The following DGAT2L6 variants were observed in gnomAD, a reference collection of about 807,000 sequenced individuals.
DGAT2L6 encodes the protein diacylglycerol O-acyltransferase 2-like protein 6.
Under a neutral mutation model 25.5 loss-of-function variants are expected in DGAT2L6, and 22 were observed. The observed-to-expected ratio is 0.86, with a 90% CI of 0.62 to 1.23. The LOEUF (loss-of-function observed/expected upper bound fraction) is 1.23. DGAT2L6 is among the 50% of genes most tolerant of loss of function. DGAT2L6 has a pLI of 0.00. For synonymous variants in DGAT2L6, 100 were observed against 94.7 expected (o/e 1.06, Z -0.32); for missense variants, 287 against 253.2 (o/e 1.13, Z -0.91).
intron 2 of DGAT2L6, among the ~76,000 whole-genome samples, 178 bp from the exon 3 acceptor site, chrX:70,199,634 G>A (rs2085402984): frequency 9.0e-6 from 1 of 111,592 alleles, no homozygotes; most frequent in African/African-American, 3.3e-5. Flanking sequence ...CGGCTCTAGA[G>A]GAGCAGGGGC....
intron 5 of DGAT2L6, 67 bp downstream of exon 5, chrX:70,202,131 T>G: frequency 1.0e-6 from 1 of 991,005 alleles, no homozygotes; most frequent in Non-Finnish European, 1.3e-6. Flanking sequence ...CTCTCCAGAA[T>G]GGTGCCCTCC....
At position 70,204,311 on chromosome X, in the gene DGAT2L6, C is replaced by T. The variant is rs372003647; in HGVS notation, c.654C>T (p.Tyr218=). 4 of 1,204,139 alleles carry T rather than the reference C, an allele frequency of 3.3e-6. No individual in the cohort carries two copies. Among genetic ancestry groups the T allele is most frequent in the Non-Finnish European group, 4.5e-6 (4 of 891,067 alleles). Residue 218 remains tyrosine, a synonymous_variant, in exon 6 of 7, where the codon TAC becomes TAT. Coordinates refer to ENST00000333026, the MANE Select transcript of DGAT2L6 (RefSeq NM_198512.3). ...CCTGCCCCTCTCTTTGCAGGGCATA[C>T]CTTGTCCCTTCATATTCCTTTGGTG... The part of the protein sequence containing the change: ...FVKMALQTGA[Y]LVPSYSFGEN...
At chrX:70,202,435 T>C (rs145736429) in intron 5 of DGAT2L6, among the ~76,000 whole-genome samples, 37 of 111,989 alleles carry the variant, frequency 3.3e-4, no homozygotes, top group African/African-American at 1.2e-3. Flanking sequence ...ATCAAAAAGA[T>C]AAGACATGAC....
Position 70,200,235 on chromosome X carries a change from A to G in DGAT2L6, c.268-20A>G. 1 of 1,175,821 alleles carries G rather than the reference A, an allele frequency of 8.5e-7. No individual in the cohort carries two copies. Among genetic ancestry groups the G allele is most frequent in the Non-Finnish European group, 1.2e-6 (1 of 863,554 alleles). The stretch of plus-strand genomic sequence containing the variant: ...TTCCTTCTTTGTAGCCAATGCTCTG[A>G]CTCAATTTCCCTCTAACAGCTGGTG... On this transcript the variant is annotated intron_variant, in intron 3 of 6. Transcript: ENST00000333026.
At chrX:70,200,933 C>A (rs1262360507) in intron 4 of DGAT2L6, among the ~76,000 whole-genome samples, 1 of 111,665 alleles carries the variant, frequency 9.0e-6, no homozygotes, top group Non-Finnish European at 1.9e-5. Context: ...CCCTCCTGGT[C>A]CATGACTTTT....
chrX:70,202,995 G>C (rs191134257), intron 5 of DGAT2L6, among the ~76,000 whole-genome samples: 4 of 111,899 alleles, frequency 3.6e-5, no homozygotes, highest in Non-Finnish European at 7.5e-5. Flanking sequence ...CCCTCAAGCA[G>C]GCCACCCGCT....
In DGAT2L6 at chrX:70,186,176, A is replaced by G. The variant is rs200251780; in HGVS notation, c.85+8509A>G. Reference sequence around the variant, plus strand: ...GAACTTCTTCCTTTACTATAATTCAATGTAATGAACATTTATCATAAGCTA... The same window carrying G: ...GAACTTCTTCCTTTACTATAATTCAGTGTAATGAACATTTATCATAAGCTA... On this transcript the variant is annotated intron_variant, in intron 1 of 6. Coordinates refer to ENST00000333026, the MANE Select transcript of DGAT2L6 (RefSeq NM_198512.3). Among the ~76,000 whole-genome samples, 91 of 112,363 alleles carry G rather than the reference A, an allele frequency of 8.1e-4. No individual in the cohort carries two copies. The East Asian group carries it at 0.022, about 27-fold the overall frequency.
Position 70,204,485 on chromosome X carries a change from C to T in DGAT2L6, c.828C>T (p.Phe276=). The stretch of plus-strand genomic sequence containing the variant: ...GCTTCACTCGCGGATCCTGGGGCTT[C>T]CTGCCTTTCAATCGGCCCATTACCA... ...GRGFTRGSWG[F]LPFNRPITTV... Residue 276 remains phenylalanine (F), a synonymous_variant, in exon 6 of 7, where the codon TTC becomes TTT. Coordinates refer to ENST00000333026, the MANE Select transcript of DGAT2L6 (RefSeq NM_198512.3). The T allele has an allele frequency of 8.3e-7, 1 of 1,211,178 alleles. No homozygotes were observed. The highest frequency in any genetic ancestry group is 2.6e-4 in the Middle Eastern group (1 of 3,905).
At chrX:70,188,707 T>C (rs1206567339) in intron 1 of DGAT2L6, among the ~76,000 whole-genome samples, 1 of 110,806 alleles carries the variant, frequency 9.0e-6, no homozygotes, top group Non-Finnish European at 1.9e-5. Flanking sequence ...CCCTCATATA[T>C]ATAAATGAAA....
rs751721525 is a variant in DGAT2L6 at position 70,199,264 on chromosome X, T to C, written c.86-7T>C. Reference sequence around the variant, plus strand: ...CTGAAAGGCTTGAACCCTTTGTGTCTCCCCAGGAGCTATTCCCATTCTCCT... The same window carrying C: ...CTGAAAGGCTTGAACCCTTTGTGTCCCCCCAGGAGCTATTCCCATTCTCCT... On this transcript the variant is annotated splice_region_variant and splice_polypyrimidine_tract_variant and intron_variant, in intron 1 of 6. Coordinates refer to ENST00000333026, the MANE Select transcript of DGAT2L6 (RefSeq NM_198512.3). 44 of 1,145,972 alleles carry C rather than the reference T, an allele frequency of 3.8e-5. No individual in the cohort carries two copies. In the Admixed American group the frequency reaches 8.7e-4, roughly 23 times the overall value. 94.4% of individuals were successfully genotyped at this position (1,145,972 alleles called of 1,213,427 possible). A position where few individuals can be genotyped will look rare whatever the true frequency, so the allele number is the denominator to read the frequency against.
chrX:70,182,087 A>G (rs2085344964), intron 1 of DGAT2L6, among the ~76,000 whole-genome samples: 1 of 110,665 alleles, frequency 9.0e-6, no homozygotes, highest in Non-Finnish European at 1.9e-5. Flanking sequence ...AGCCTCCCTC[A>G]GTGCTTCCCC....
At chrX:70,199,969 G>C in intron 3 of DGAT2L6, 87 bp downstream of exon 3, 2 of 963,762 alleles carry the variant, frequency 2.1e-6, no homozygotes, top group Non-Finnish European at 1.4e-6. Flanking sequence ...AGGCTTTGGT[G>C]GTCAGCAGCG....
At position 70,177,538 on chromosome X, in the gene DGAT2L6, A is replaced by G. The variant is rs1199509; in HGVS notation, c.-45A>G. The G allele has an allele frequency of 0.052, 58,954 of 1,134,856 alleles. 2,867 individuals are homozygous for G. Among genetic ancestry groups the G allele is most frequent in the African/African-American group, 0.31 (17,053 of 55,318 alleles). 93.5% of individuals were successfully genotyped at this position (1,134,856 alleles called of 1,213,427 possible). ...AATCAACTCAGCTTAAGAAGTTTTG[A>G]CCTTCTGGTTAGGCTTCTTGCCACA... On this transcript the variant is annotated 5_prime_UTR_variant, in exon 1 of 7. Transcript: ENST00000333026.
chrX:70,202,659 C>G (rs754214294), intron 5 of DGAT2L6, among the ~76,000 whole-genome samples: 1 of 111,607 alleles, frequency 9.0e-6, no homozygotes, highest in Non-Finnish European at 1.9e-5. Context: ...ACTACCTAGG[C>G]TACCACCCCT....
chrX:70,205,137 C>A lies in DGAT2L6; in HGVS notation c.*31C>A. 1 of 1,158,224 alleles carries A rather than the reference C, an allele frequency of 8.6e-7. No individual in the cohort carries two copies. Among genetic ancestry groups the A allele is most frequent in the East Asian group, 3.1e-5 (1 of 32,522 alleles). On this transcript the variant is annotated 3_prime_UTR_variant, in exon 7 of 7. Transcript: ENST00000333026. Reference sequence around the variant, plus strand: ...GCCACATTCCCCATTGATCAACCCCCAAAGCCATGAGGGATCCAAGTAGAG... The same window carrying A: ...GCCACATTCCCCATTGATCAACCCCAAAAGCCATGAGGGATCCAAGTAGAG...
chrX:70,177,695 A>G (rs1461766563), intron 1 of DGAT2L6, 28 bp downstream of exon 1: 6 of 1,149,590 alleles, frequency 5.2e-6, no homozygotes, highest in Non-Finnish European at 7.1e-6. Context: ...GCTGGAGAGC[A>G]CATGGGGAAC....
rs1438875096 is a variant in DGAT2L6, at chrX:70,205,171, AAAG to A, written c.*71_*73del. On this transcript the variant is annotated 3_prime_UTR_variant, in exon 7 of 7. Coordinates refer to ENST00000333026, the MANE Select transcript of DGAT2L6 (RefSeq NM_198512.3). ...GAGGGATCCAAGTAGAGCCACAGAAAAAGAAGAATTCCAGGAGAGGGAAAGATC... is the reference window on the plus strand; with the variant it reads ...GAGGGATCCAAGTAGAGCCACAGAAAAAGAATTCCAGGAGAGGGAAAGATC... 10 of 1,058,996 alleles carry A rather than the reference AAAG, an allele frequency of 9.4e-6. No individual in the cohort carries two copies. In the East Asian group the frequency reaches 1.0e-4, roughly 11 times the overall value. 87.3% of individuals were successfully genotyped at this position (1,058,996 alleles called of 1,213,427 possible).
At chrX:70,199,701 A>G (rs2147609615) in intron 2 of DGAT2L6, 111 bp from the exon 3 acceptor site, 2 of 684,911 alleles carry the variant, frequency 2.9e-6, no homozygotes, top group African/African-American at 4.4e-5. Flanking sequence ...GAGGTGTCAG[A>G]AGGAGGCCCC....
At chrX:70,194,279 T>G (rs910117866) in intron 1 of DGAT2L6, among the ~76,000 whole-genome samples, 3 of 111,888 alleles carry the variant, frequency 2.7e-5, no homozygotes, top group Admixed American at 1.9e-4. Context: ...CCTGTGTTCA[T>G]GGACTGGAAA....
Sources: allele counts gnomAD v4.1 joint callset (sites outside exome capture counted in the v4.1 genomes callset), GRCh38; gene constraint gnomAD v4.1.1; transcripts MANE v1.5; gene names NCBI Gene and HGNC (gene_info 2026-07-23, HGNC 2026-07-21).